The following PDZRN3 variants were observed in gnomAD, a reference collection of about 807,000 sequenced individuals.
PDZRN3 encodes PDZ domain containing ring finger 3, also known as E3 ubiquitin-protein ligase PDZRN3.
Under a neutral mutation model 85.7 loss-of-function variants are expected in PDZRN3, and 38 were observed. The observed-to-expected ratio is 0.44, with a 90% CI of 0.34 to 0.58. PDZRN3 has a LOEUF of 0.58. Among genes scored for constraint, PDZRN3 ranks in the 20% least tolerant of loss-of-function variants. PDZRN3 has a pLI of 0.01. For synonymous variants in PDZRN3, 759 were observed against 638.0 expected (o/e 1.19, Z -2.86); for missense variants, 1,629 against 1,506.4 (o/e 1.08, Z -1.35).
intron 3 of PDZRN3, among the ~76,000 whole-genome samples, chr3:73,458,151 C>T (rs1343259012): frequency 6.6e-6 from 1 of 152,102 alleles, no homozygotes. Context: ...AGTGGACCCT[C>T]CAAATGTGGC....
chr3:73,619,722 C>T (rs1702823496), intron 1 of PDZRN3, among the ~76,000 whole-genome samples: 2 of 152,130 alleles, frequency 1.3e-5, no homozygotes, highest in African/African-American at 4.8e-5. Context: ...AGAATCCAGG[C>T]AGGTGGAAGC....
At chr3:73,507,146 C>A (rs1704082489) in intron 3 of PDZRN3, among the ~76,000 whole-genome samples, 1 of 150,128 alleles carries the variant, frequency 6.7e-6, no homozygotes, top group South Asian at 2.1e-4. Flanking sequence ...AACATTTATG[C>A]ACACATATAA....
At chr3:73,393,923 T>TTTGA (rs1576029464) in intron 5 of PDZRN3, among the ~76,000 whole-genome samples, 1 of 152,324 alleles carries the variant, frequency 6.6e-6, no homozygotes, top group African/African-American at 2.4e-5. Context: ...TTGTCAGTAT[T>TTTGA]TTGATTGACA....
At chr3:73,474,745 G>A (rs747719034) in intron 3 of PDZRN3, 15 of 451,090 alleles carry the variant, frequency 3.3e-5, no homozygotes, top group Non-Finnish European at 4.7e-5. Flanking sequence ...TTCCCCTTGC[G>A]AAGTGAAGGG....
At chr3:73,593,619 A>G (rs1426239123) in intron 3 of PDZRN3, among the ~76,000 whole-genome samples, 2 of 152,144 alleles carry the variant, frequency 1.3e-5, no homozygotes, top group Non-Finnish European at 2.9e-5. Flanking sequence ...AAGGAAATAC[A>G]TAAGCAGGTG....
chr3:73,416,876 G>GTTTTTTT lies in PDZRN3; in HGVS notation c.919-12488_919-12482dup, dbSNP rs146381615. Among the ~76,000 whole-genome samples, 139 of 110,340 alleles carry GTTTTTTT rather than the reference G, an allele frequency of 1.3e-3. 1 individual carries two copies. Among genetic ancestry groups the GTTTTTTT allele is most frequent in the Middle Eastern group, 5.4e-3 (1 of 184 alleles). 72.4% of individuals were successfully genotyped at this position (110,340 alleles called of 152,430 possible). A position where few individuals can be genotyped will look rare whatever the true frequency, so the allele number is the denominator to read the frequency against. ...TTTTTTTTTTGTTTGTTTTTTTTTG[G>GTTTTTTT]TTTTTTTTTTTTTTTTTTTTTTTTT... On this transcript the variant is annotated intron_variant, in intron 3 of 9. Transcript: ENST00000263666.
intron 3 of PDZRN3, among the ~76,000 whole-genome samples, chr3:73,545,843 G>A (rs748381065): frequency 6.6e-6 from 1 of 152,146 alleles, no homozygotes; most frequent in African/African-American, 2.4e-5. Flanking sequence ...ACATTAGAAG[G>A]GTTGTTCTGA....
intron 3 of PDZRN3, among the ~76,000 whole-genome samples, chr3:73,523,788 T>C (rs148371373): frequency 0.012 from 1,821 of 152,250 alleles, 38 homozygotes; most frequent in African/African-American, 0.039. Flanking sequence ...ATTGCTCAGA[T>C]GTCCTTGGCC....
chr3:73,623,873 A>G (rs13321704), intron 1 of PDZRN3: 12,687 of 402,422 alleles, frequency 0.032, 952 homozygotes, highest in African/African-American at 0.19. Flanking sequence ...CTGAAGCTGT[A>G]CAGCTATACT....
chr3:73,424,904 A>C (rs1302012014), intron 3 of PDZRN3, among the ~76,000 whole-genome samples: 2 of 152,234 alleles, frequency 1.3e-5, no homozygotes, highest in African/African-American at 2.4e-5. Context: ...ATGTGAAGCA[A>C]CACGAACTTC....
intron 3 of PDZRN3, among the ~76,000 whole-genome samples, chr3:73,477,189 G>A (rs1307890409): frequency 6.6e-6 from 1 of 152,136 alleles, no homozygotes; most frequent in African/African-American, 2.4e-5. Flanking sequence ...AAAGCATTTA[G>A]AACAGTGCCT....
intron 3 of PDZRN3, 162 bp from the exon 4 acceptor site, chr3:73,404,557 C>G (rs1349431450): frequency 1.5e-6 from 1 of 665,946 alleles, no homozygotes; most frequent in South Asian, 2.0e-5. Flanking sequence ...CCGAAGAATG[C>G]CTGGTGGAAA....
At chr3:73,388,255 G>C in intron 7 of PDZRN3, 186 bp from the exon 8 acceptor site, 1 of 447,438 alleles carries the variant, frequency 2.2e-6, no homozygotes, top group East Asian at 3.5e-5. Flanking sequence ...GACCAATGCA[G>C]TTTCTCTGGT....
At chr3:73,559,636 T>C (rs1701774818) in intron 3 of PDZRN3, among the ~76,000 whole-genome samples, 1 of 152,232 alleles carries the variant, frequency 6.6e-6, no homozygotes, top group African/African-American at 2.4e-5. Context: ...AGTTACTGCA[T>C]GTGATACTTG....
intron 3 of PDZRN3, among the ~76,000 whole-genome samples, chr3:73,568,545 T>C (rs1482159911): frequency 6.6e-6 from 1 of 152,146 alleles, no homozygotes; most frequent in Non-Finnish European, 1.5e-5. Context: ...ATGCATGTCA[T>C]TACTATAATG....
At position 73,608,582 on chromosome 3, in the gene PDZRN3, T is replaced by C; in HGVS notation, c.810+16A>G. The C allele has an allele frequency of 2.6e-6, 4 of 1,555,782 alleles. No homozygotes were observed. The highest frequency in any genetic ancestry group is 3.5e-6 in the Non-Finnish European group (4 of 1,127,740). ...ACACCAGGAAAAGGAAAAACACATT[T>C]TAGTAATTAACATACCACACTCGGC... On this transcript the variant is annotated intron_variant, in intron 2 of 9. Coordinates refer to ENST00000263666, the MANE Select transcript of PDZRN3 (RefSeq NM_015009.3).
intron 3 of PDZRN3, among the ~76,000 whole-genome samples, chr3:73,520,674 C>T (rs571290934): frequency 1.3e-5 from 2 of 152,152 alleles, no homozygotes; most frequent in East Asian, 1.9e-4. Flanking sequence ...CCAGGTCCTA[C>T]ATTACATGCG....
Position 73,572,398 on chromosome 3 carries a change from A to G in PDZRN3, c.918+29956T>C, listed in dbSNP as rs181940609. On this transcript the variant is annotated intron_variant, in intron 3 of 9. Transcript: ENST00000263666. ...TTCTATTCCAGTATACTCTAAGTTGACATAAAAAAGTCCTGGATCGATTCA... is the reference window on the plus strand; with the variant it reads ...TTCTATTCCAGTATACTCTAAGTTGGCATAAAAAAGTCCTGGATCGATTCA... 1.3e-3 allele frequency among the ~76,000 whole-genome samples: 201 copies of G among 151,474 alleles called. 1 individual carries two copies. Among genetic ancestry groups the G allele is most frequent in the African/African-American group, 4.6e-3 (188 of 40,790 alleles).
At chr3:73,507,191 G>A (rs1414398200) in intron 3 of PDZRN3, among the ~76,000 whole-genome samples, 8 of 150,618 alleles carry the variant, frequency 5.3e-5, no homozygotes, top group Non-Finnish European at 1.2e-4. Flanking sequence ...TTTTTGAGAC[G>A]AAGTCTCGCT....
Sources: gnomAD v4.1 joint callset for allele counts (sites outside exome capture counted in the v4.1 genomes callset) on GRCh38, gnomAD v4.1.1 for gene constraint, MANE v1.5 for transcripts, NCBI Gene and HGNC (gene_info 2026-07-23, HGNC 2026-07-21) for gene names.